GASK1A: variants seen among roughly 807,000 people sequenced by gnomAD.
GASK1A encodes golgi associated kinase 1A.
Under a neutral mutation model 41.2 loss-of-function variants are expected in GASK1A, and 40 were observed. The observed-to-expected ratio is 0.97, with a 90% CI of 0.75 to 1.27. The LOEUF (loss-of-function observed/expected upper bound fraction) is 1.27, where lower values mean the gene tolerates loss of function less well. GASK1A is among the 50% of genes most tolerant of loss of function. GASK1A has a pLI of 0.00. For synonymous variants in GASK1A, 316 were observed against 307.1 expected, an observed-to-expected ratio of 1.03 and a Z score of -0.30; for missense variants, 678 against 745.1, an observed-to-expected ratio of 0.91 and a Z score of 1.05.
chr3:42,984,191 C>T lies in GASK1A; in HGVS notation c.3+4546C>T, dbSNP rs2089296292. 6.6e-6 allele frequency among the ~76,000 whole-genome samples: 1 copy of T among 152,048 alleles called. No individual in the cohort carries two copies. Among genetic ancestry groups the T allele is most frequent in the South Asian group, 2.1e-4 (1 of 4,818 alleles). On this transcript the variant is annotated intron_variant, in intron 1 of 4. Coordinates refer to ENST00000430121, the MANE Select transcript of GASK1A (RefSeq NM_001129908.3). This position sits in a 1 kb window ranked among gnomAD's most constrained non-coding sequence, Gnocchi z 4.2. ...CCCTCATTTTCTGGATGTGTCTGCACAGGCCTGTGTGTGAAGGACCACTTG... is the reference window on the plus strand; with the variant it reads ...CCCTCATTTTCTGGATGTGTCTGCATAGGCCTGTGTGTGAAGGACCACTTG...
At chr3:42,992,193 C>G (rs565303272) in intron 1 of GASK1A, among the ~76,000 whole-genome samples, 4 of 152,286 alleles carry the variant, frequency 2.6e-5, no homozygotes, top group Admixed American at 2.6e-4. Flanking sequence ...ACTTCCCTCC[C>G]TGGCGGTGGC....
At chr3:43,027,802 T>A (rs55989335) in intron 1 of GASK1A, among the ~76,000 whole-genome samples, 25,578 of 152,114 alleles carry the variant, frequency 0.17, 2,241 homozygotes, top group South Asian at 0.35. Flanking sequence ...GATGAAAAGG[T>A]CAAACTGTAA....
intron 2 of GASK1A, among the ~76,000 whole-genome samples, chr3:43,051,739 T>G (rs1377378752): frequency 6.6e-6 from 1 of 152,198 alleles, no homozygotes; most frequent in Non-Finnish European, 1.5e-5. Context: ...AGGAGAAGGC[T>G]TTTAGTACCG....
intron 1 of GASK1A, among the ~76,000 whole-genome samples, chr3:43,031,825 G>A (rs1232747197): frequency 1.3e-5 from 2 of 152,212 alleles, no homozygotes; most frequent in African/African-American, 2.4e-5. Flanking sequence ...GTGGCCATGT[G>A]CTCTGGCAAA....
chr3:43,038,421 T>C (rs1175519773), intron 2 of GASK1A, among the ~76,000 whole-genome samples: 1 of 152,222 alleles, frequency 6.6e-6, no homozygotes, highest in Non-Finnish European at 1.5e-5. Context: ...AACCTTGAAA[T>C]TGTATGATTA....
At chr3:42,986,152 G>C (rs566734326) in intron 1 of GASK1A, among the ~76,000 whole-genome samples, 1 of 152,324 alleles carries the variant, frequency 6.6e-6, no homozygotes, top group South Asian at 2.1e-4. Flanking sequence ...CAATAGAAAA[G>C]AACCATAGAT....
chr3:42,983,158 G>C (rs961979685), intron 1 of GASK1A, among the ~76,000 whole-genome samples: 1 of 152,118 alleles, frequency 6.6e-6, no homozygotes, highest in South Asian at 2.1e-4. Flanking sequence ...TTTGTGCTGG[G>C]CTAGGTCACC....
At chr3:43,011,466 T>C (rs776856868) in intron 1 of GASK1A, among the ~76,000 whole-genome samples, 9 of 152,018 alleles carry the variant, frequency 5.9e-5, no homozygotes, top group Admixed American at 1.3e-4. Flanking sequence ...AAGAACCCAC[T>C]GTGTGGGCTG....
chr3:43,055,467 C>A lies in GASK1A; in HGVS notation c.1449C>A (p.Ile483=). 6.4e-7 allele frequency: 1 copy of A among 1,551,824 alleles called. No homozygotes were observed. The highest frequency in any genetic ancestry group is 1.2e-5 in the South Asian group (1 of 84,056). ...RSSDPSHLVY[I]DNAGNLQHPE... ...GCGATCCATCTCACCTGGTCTACAT[C>A]GATAACGCTGGCAACCTTCAGCACC... Residue 483 remains isoleucine, a synonymous_variant, in exon 4 of 5, where the codon ATC becomes ATA. Transcript: ENST00000430121.
rs936446759 is a variant in GASK1A at position 43,033,138 on chromosome 3, T to C, written c.875T>C (p.Val292Ala). ...CCCGCCCATGGGCAGGTGCTACAGG[T>C]TGGCTTCTCCACTGAGGCTGCCCTT... ...RVPAHGQVLQ[V>A]GFSTEAALQD... Residue 292 changes from valine (V) to alanine (A), a missense_variant, in exon 2 of 5, where the codon GTT (valine) becomes GCT (alanine). Val to Ala is a moderately conservative substitution (Grantham distance 64). Coordinates refer to ENST00000430121, the MANE Select transcript of GASK1A (RefSeq NM_001129908.3). 9.0e-6 allele frequency: 14 copies of C among 1,551,258 alleles called. No homozygotes were observed. In the East Asian group the frequency reaches 3.2e-4, roughly 35 times the overall value.
In GASK1A at chr3:43,057,688, G is replaced by T. The variant is rs1224304489; in HGVS notation, c.*1302G>T. On this transcript the variant is annotated 3_prime_UTR_variant, in exon 5 of 5. Coordinates refer to ENST00000430121, the MANE Select transcript of GASK1A (RefSeq NM_001129908.3). ...TGATCAATCTTTTCTCTGCTGACTT[G>T]GTATAAATGTTTTCTTCCAGCCTCT... is the stretch of plus-strand genomic sequence containing the variant. The T allele has an allele frequency of 6.6e-6, 1 of 151,882 alleles. No homozygotes were observed. The highest frequency in any genetic ancestry group is 1.5e-5 in the Non-Finnish European group (1 of 67,976). 9.4% of individuals were successfully genotyped at this position (151,882 alleles called of 1,614,324 possible).
At chr3:42,986,321 G>C (rs1479203089) in intron 1 of GASK1A, among the ~76,000 whole-genome samples, 1 of 152,192 alleles carries the variant, frequency 6.6e-6, no homozygotes, top group Non-Finnish European at 1.5e-5. Flanking sequence ...GTTAGGGGTA[G>C]AGAGGCTGTG....
intron 1 of GASK1A, among the ~76,000 whole-genome samples, chr3:42,982,159 T>A (rs541617861): frequency 6.6e-6 from 1 of 152,326 alleles, no homozygotes; most frequent in South Asian, 2.1e-4. Flanking sequence ...TGTATTTTTC[T>A]AAAGCGAAGA....
chr3:42,993,722 C>T lies in GASK1A; in HGVS notation c.3+14077C>T, dbSNP rs762372696. Among the ~76,000 whole-genome samples the T allele has an allele frequency of 1.1e-4, 16 of 152,256 alleles. 1 individual carries two copies. Among genetic ancestry groups the T allele is most frequent in the African/African-American group, 2.6e-4 (11 of 41,540 alleles). ...GCATCTTTCCCCAGCCTCTACTCCA[C>T]GGCCATTAAAAAATAATCTTTTAAA... On this transcript the variant is annotated intron_variant, in intron 1 of 4. Coordinates refer to ENST00000430121, the MANE Select transcript of GASK1A (RefSeq NM_001129908.3).
At chr3:43,010,643 A>G (rs2089458811) in intron 1 of GASK1A, among the ~76,000 whole-genome samples, 1 of 152,174 alleles carries the variant, frequency 6.6e-6, no homozygotes, top group African/African-American at 2.4e-5. Flanking sequence ...TTAAAAGCTA[A>G]TATTTTCTAG....
At chr3:43,048,110 G>A (rs866314977) in intron 2 of GASK1A, among the ~76,000 whole-genome samples, 4 of 152,226 alleles carry the variant, frequency 2.6e-5, no homozygotes, top group Non-Finnish European at 5.9e-5. Context: ...GGGCCTGTGA[G>A]TCAGTGGTAT....
At position 43,032,520 on chromosome 3, in the gene GASK1A, A is replaced by C. The variant is rs758726756; in HGVS notation, c.257A>C (p.Asn86Thr). The part of the protein sequence containing the change: ...GFWRSRALPR[N>T]SILVCAEEQG... ...TGGAGAAGCCGTGCTTTGCCCAGGAACTCCATCTTGGTCTGTGCTGAGGAG... is the reference window on the plus strand; with the variant it reads ...TGGAGAAGCCGTGCTTTGCCCAGGACCTCCATCTTGGTCTGTGCTGAGGAG... Residue 86 changes from asparagine (N) to threonine (T), a missense_variant, in exon 2 of 5, where the codon AAC becomes ACC. Physicochemically the swap from Asn to Thr is moderately conservative, Grantham distance 65. Transcript: ENST00000430121. The C allele has an allele frequency of 2.6e-6, 4 of 1,549,510 alleles. No homozygotes were observed. Among genetic ancestry groups the C allele is most frequent in the Non-Finnish European group, 3.5e-6 (4 of 1,145,212 alleles).
chr3:43,013,738 T>G (rs926906515), intron 1 of GASK1A, among the ~76,000 whole-genome samples: 2 of 149,080 alleles, frequency 1.3e-5, no homozygotes, highest in Non-Finnish European at 1.5e-5. Context: ...TAGTGTGATA[T>G]CACAGGAAGG....
Position 42,984,296 on chromosome 3 carries a change from ATCTC to A in GASK1A, c.3+4665_3+4668del, listed in dbSNP as rs10628402. The stretch of plus-strand genomic sequence containing the variant: ...CTTCTTTATGTGGATTTCACTTCCT[ATCTC>A]TCTCTCTCTCTCTTTCTCTCTCTCT... On this transcript the variant is annotated intron_variant, in intron 1 of 4. Transcript: ENST00000430121. The surrounding 1 kb of genome is among the most constrained non-coding windows in gnomAD (Gnocchi z 4.2). 2.7e-5 allele frequency among the ~76,000 whole-genome samples: 4 copies of A among 149,738 alleles called. No homozygotes were observed. Among genetic ancestry groups the A allele is most frequent in the South Asian group, 2.1e-4 (1 of 4,698 alleles).
Sources: allele counts gnomAD v4.1 joint callset (sites outside exome capture counted in the v4.1 genomes callset), GRCh38; gene constraint gnomAD v4.1.1; non-coding constraint Gnocchi (gnomAD v3.1); transcripts MANE v1.5; gene names NCBI Gene and HGNC (gene_info 2026-07-23, HGNC 2026-07-21).